The following KIT variants were observed in gnomAD, a reference collection of about 807,000 sequenced individuals.
The protein encoded by KIT is mast/stem cell growth factor receptor Kit.
KIT carries 16 observed loss-of-function variants against 105.7 expected under a neutral mutation model. The ratio of observed to expected loss-of-function variants is 0.15; its 90% CI spans 0.10 to 0.23. KIT has a LOEUF of 0.23. Among genes scored for constraint, KIT ranks in the 10% least tolerant of loss-of-function variants. The pLI, the probability that KIT is intolerant of heterozygous loss-of-function variation, is 1.00. For missense variants in KIT, 858 were observed against 1,213.8 expected, an observed-to-expected ratio of 0.71 and a Z score of 4.36; for synonymous variants, 438 against 441.1, an observed-to-expected ratio of 0.99 and a Z score of 0.09.
At chr4:54,687,325 C>G (rs1251890608) in intron 1 of KIT, among the ~76,000 whole-genome samples, 1 of 151,978 alleles carries the variant, frequency 6.6e-6, no homozygotes, top group Non-Finnish European at 1.5e-5. Context: ...GTAATCCCAG[C>G]TACTTGAGAG....
At chr4:54,695,842 T>C (rs1267776444) in intron 2 of KIT, 61 bp downstream of exon 2, 3 of 1,594,138 alleles carry the variant, frequency 1.9e-6, no homozygotes. Context: ...GCTCTTAATT[T>C]TGGATGACAT....
In KIT at chr4:54,727,271, G is replaced by A. The variant is rs55792975; in HGVS notation, c.1594G>A (p.Val532Ile). 1.3e-4 allele frequency: 207 copies of A among 1,614,124 alleles called. No homozygotes were observed. Among genetic ancestry groups the A allele is most frequent in the African/African-American group, 6.7e-4 (50 of 75,030 alleles). Residue 532 changes from valine (V) to isoleucine (I), a missense_variant, in exon 10 of 21, where the codon GTA becomes ATA. Transcript: ENST00000288135. ...FTPLLIGFVI[V>I]AGMMCIIVMI... ...TCCTTTGCTGATTGGTTTCGTAATCGTAGCTGGCATGATGTGCATTATTGT... is the reference window on the plus strand; with the variant it reads ...TCCTTTGCTGATTGGTTTCGTAATCATAGCTGGCATGATGTGCATTATTGT...
intron 1 of KIT, among the ~76,000 whole-genome samples, chr4:54,666,262 GTTTTTGT>G (rs1278627599): frequency 2.0e-5 from 3 of 151,956 alleles, no homozygotes; most frequent in Non-Finnish European, 2.9e-5. Context: ...AAATTTTTTT[GTTTTTGT>G]TTTTTGTTTT....
rs1476093811 is a variant in KIT at position 54,727,292 on chromosome 4, A to G, written c.1615A>G (p.Ile539Val). The change falls in exon 10 of 21, where the codon ATT becomes GTT. Residue 539 changes from isoleucine to valine, a missense_variant. By Grantham distance (29) the Ile-to-Val change is conservative (BLOSUM62 3). This residue lies in a region of KIT where 78 missense variants were observed against 77.6 expected (regional missense o/e 1.01). Transcript: ENST00000288135. Reference sequence around the variant, plus strand: ...AATCGTAGCTGGCATGATGTGCATTATTGTGATGATTCTGACCTACAAATA... The same window carrying G: ...AATCGTAGCTGGCATGATGTGCATTGTTGTGATGATTCTGACCTACAAATA... Reference protein sequence around the residue: ...FVIVAGMMCIIVMILTYKYLQ... With the variant: ...FVIVAGMMCIVVMILTYKYLQ... 3.7e-6 allele frequency: 6 copies of G among 1,614,154 alleles called. No homozygotes were observed. The highest frequency in any genetic ancestry group is 1.3e-5 in the African/African-American group (1 of 75,060).
chr4:54,687,665 G>C (rs1035091078), intron 1 of KIT, among the ~76,000 whole-genome samples: 10 of 151,858 alleles, frequency 6.6e-5, no homozygotes, highest in Admixed American at 6.6e-4. Flanking sequence ...GTTGGGTTGG[G>C]GTCCCCATAG....
intron 5 of KIT, among the ~76,000 whole-genome samples, chr4:54,706,764 T>A (rs1577966603): frequency 1.3e-5 from 2 of 152,280 alleles, no homozygotes; most frequent in African/African-American, 4.8e-5. Flanking sequence ...ATTGGGTCTG[T>A]GTATGAACTC....
At chr4:54,683,466 G>A (rs553524160) in intron 1 of KIT, among the ~76,000 whole-genome samples, 4 of 152,254 alleles carry the variant, frequency 2.6e-5, no homozygotes, top group East Asian at 1.9e-4. Flanking sequence ...GTGAGACCTC[G>A]TTCTCCACCA....
At chr4:54,704,865 A>G (rs948869362) in intron 5 of KIT, among the ~76,000 whole-genome samples, 1 of 152,188 alleles carries the variant, frequency 6.6e-6, no homozygotes, top group African/African-American at 2.4e-5. Flanking sequence ...AATTTCTTCA[A>G]TAATTTATGT....
chr4:54,713,605 A>G (rs917501581), intron 7 of KIT, among the ~76,000 whole-genome samples: 5 of 152,246 alleles, frequency 3.3e-5, no homozygotes, highest in Admixed American at 6.5e-5. Flanking sequence ...ACTCTGTGAC[A>G]CTAATGCGTA....
intron 1 of KIT, among the ~76,000 whole-genome samples, chr4:54,694,071 C>T (rs1294838711): frequency 2.0e-5 from 3 of 152,174 alleles, no homozygotes; most frequent in Admixed American, 6.5e-5. Context: ...CCCTGAGGTA[C>T]GTTCCCAGAA....
intron 17 of KIT, among the ~76,000 whole-genome samples, chr4:54,733,847 A>G (rs892021736): frequency 1.3e-5 from 2 of 152,170 alleles, no homozygotes; most frequent in Non-Finnish European, 2.9e-5. Context: ...CTGAAACTAG[A>G]GCCTGTGATT....
intron 1 of KIT, among the ~76,000 whole-genome samples, chr4:54,663,537 TTAAGATGAAGTTGTTAA>T (rs1274044718): frequency 1.3e-5 from 2 of 152,152 alleles, no homozygotes; most frequent in East Asian, 3.9e-4. Context: ...TTTTTTCGTA[TTAAGATGAAGTTGTTAA>T]TTAGTGGTAA....
In KIT at chr4:54,698,286, C is replaced by G. The variant is rs772836939; in HGVS notation, c.340C>G (p.Pro114Ala). The G allele has an allele frequency of 1.7e-5, 27 of 1,613,590 alleles. No homozygotes were observed. Among genetic ancestry groups the G allele is most frequent in the Non-Finnish European group, 2.2e-5 (26 of 1,179,776 alleles). The change falls in exon 3 of 21, where the codon CCT (proline) becomes GCT (alanine). Residue 114 changes from proline to alanine, a missense_variant and splice_region_variant. Around this residue, in one of 7 missense-constraint regions of KIT, gnomAD observed 401 missense variants for 601.0 expected, o/e 0.67. Transcript: ENST00000288135. The part of the protein sequence containing the change: ...SNSIYVFVRD[P>A]AKLFLVDRSL... ...TGATTTTGGATATGCTTCTATAGATCCTGCCAAGCTTTTCCTTGTTGACCG... is the reference window on the plus strand; with the variant it reads ...TGATTTTGGATATGCTTCTATAGATGCTGCCAAGCTTTTCCTTGTTGACCG...
intron 1 of KIT, among the ~76,000 whole-genome samples, chr4:54,681,976 A>G (rs1252388987): frequency 6.6e-6 from 1 of 152,170 alleles, no homozygotes; most frequent in East Asian, 1.9e-4. Context: ...CCATCTCAAA[A>G]ACAAACAAAA....
At chr4:54,712,424 G>A (rs1721220725) in intron 7 of KIT, among the ~76,000 whole-genome samples, 1 of 152,182 alleles carries the variant, frequency 6.6e-6, no homozygotes, top group Admixed American at 6.5e-5. Flanking sequence ...CAGTGGTTGG[G>A]AATTTTATGA....
At chr4:54,710,708 A>G (rs1036009161) in intron 7 of KIT, among the ~76,000 whole-genome samples, 2 of 151,654 alleles carry the variant, frequency 1.3e-5, no homozygotes, top group African/African-American at 4.8e-5. Flanking sequence ...CACCCAGCTG[A>G]TTTCTGTATT....
intron 1 of KIT, among the ~76,000 whole-genome samples, chr4:54,677,023 A>G (rs1252792611): frequency 6.6e-6 from 1 of 152,060 alleles, no homozygotes; most frequent in Non-Finnish European, 1.5e-5. Flanking sequence ...TAATTGTATA[A>G]TTATTGGTTT....
intron 1 of KIT, among the ~76,000 whole-genome samples, chr4:54,665,208 A>G (rs917109911): frequency 6.6e-6 from 1 of 152,150 alleles, no homozygotes; most frequent in African/African-American, 2.4e-5. Context: ...ATTGTAGTAT[A>G]AGTCAGAATT....
chr4:54,736,097 G>A (rs1012641397), intron 17 of KIT, among the ~76,000 whole-genome samples: 10 of 152,186 alleles, frequency 6.6e-5, no homozygotes, highest in African/African-American at 2.2e-4. Context: ...TAGCTGCAAA[G>A]GAGGCTGGGA....
Sources: gnomAD v4.1 joint callset for allele counts (sites outside exome capture counted in the v4.1 genomes callset) on GRCh38, gnomAD v4.1.1 for gene constraint, gnomAD v4.1.1 regional missense constraint, MANE v1.5 for transcripts, NCBI Gene and HGNC (gene_info 2026-07-23, HGNC 2026-07-21) for gene names.